Variants in CNGA3 observed in about 807,000 individuals in gnomAD.
The protein encoded by CNGA3 is cyclic nucleotide gated channel subunit alpha 3, also known as cyclic nucleotide-gated channel alpha-3.
In CNGA3, 42 loss-of-function variants were observed where a neutral mutation model predicts 46.6. The ratio of observed to expected loss-of-function variants is 0.90; its 90% CI spans 0.70 to 1.17. The LOEUF (loss-of-function observed/expected upper bound fraction) is 1.17. CNGA3 is among the 50% of genes most tolerant of loss of function. The pLI, the probability that CNGA3 is intolerant of heterozygous loss-of-function variation, is 0.00. For synonymous variants in CNGA3, 394 were observed against 369.4 expected, an observed-to-expected ratio of 1.07 and a Z score of -0.76; for missense variants, 893 against 890.7, an observed-to-expected ratio of 1.00 and a Z score of -0.03.
intron 1 of CNGA3, among the ~76,000 whole-genome samples, chr2:98,361,411 T>G (rs1228551502): frequency 6.6e-6 from 1 of 152,224 alleles, no homozygotes; most frequent in Non-Finnish European, 1.5e-5. Context: ...GTACCACATT[T>G]TCTTTATCTA....
At chr2:98,354,302 C>T (rs1691831832) in intron 1 of CNGA3, among the ~76,000 whole-genome samples, 1 of 152,016 alleles carries the variant, frequency 6.6e-6, no homozygotes, top group South Asian at 2.1e-4. Context: ...GATGAGAGGG[C>T]CAACTGTAGT....
intron 1 of CNGA3, among the ~76,000 whole-genome samples, chr2:98,366,732 C>T (rs998502721): frequency 6.6e-6 from 1 of 152,340 alleles, no homozygotes; most frequent in South Asian, 2.1e-4. Flanking sequence ...CCAGTCTCCA[C>T]GACTCCAGCA....
chr2:98,380,632 G>A (rs1692516331), intron 4 of CNGA3, among the ~76,000 whole-genome samples: 1 of 152,088 alleles, frequency 6.6e-6, no homozygotes, highest in Non-Finnish European at 1.5e-5. Flanking sequence ...TCCTGTTAGG[G>A]TCCCCTGGAA....
At chr2:98,379,951 T>G in intron 3 of CNGA3, 2 of 601,136 alleles carry the variant, frequency 3.3e-6, no homozygotes, top group Non-Finnish European at 5.9e-6. Flanking sequence ...TGCCCCTGAC[T>G]GCAGGGTGGA....
intron 7 of CNGA3, among the ~76,000 whole-genome samples, chr2:98,394,006 A>G (rs1437026250): frequency 6.7e-6 from 1 of 150,164 alleles, no homozygotes. Flanking sequence ...GTCCTACCCC[A>G]GTCTAGCCTC....
chr2:98,395,161 T>A (rs1263741309), intron 7 of CNGA3, among the ~76,000 whole-genome samples: 1 of 152,154 alleles, frequency 6.6e-6, no homozygotes, highest in Non-Finnish European at 1.5e-5. Context: ...AATTGAGATC[T>A]GCCTCCGTCA....
chr2:98,355,658 CT>C (rs1415382388), intron 1 of CNGA3, among the ~76,000 whole-genome samples: 1 of 152,156 alleles, frequency 6.6e-6, no homozygotes, highest in African/African-American at 2.4e-5. Context: ...CCAAAATTAA[CT>C]TGTGTCCCAC....
rs749842881 is a variant in CNGA3 at position 98,396,485 on chromosome 2, C to T, written c.1315C>T (p.Arg439Trp). 9.9e-6 allele frequency: 16 copies of T among 1,613,786 alleles called. No homozygotes were observed. The highest frequency in any genetic ancestry group is 8.9e-5 in the East Asian group (4 of 44,870). The stretch of plus-strand genomic sequence containing the variant: ...CAAGGACTTGGAGACGCGGGTTATC[C>T]GGTGGTTTGACTACCTGTGGGCCAA... ...VTKDLETRVI[R>W]WFDYLWANKK... is the part of the protein sequence containing the mutation. Residue 439 changes from arginine (R) to tryptophan (W), a missense_variant, in exon 8 of 8, where the codon CGG becomes TGG. By Grantham distance (101) the Arg-to-Trp change is moderately radical. Coordinates refer to ENST00000272602, the MANE Select transcript of CNGA3 (RefSeq NM_001298.3).
At position 98,380,164 on chromosome 2, in the gene CNGA3, T is replaced by C; in HGVS notation, c.216-11T>C. The C allele has an allele frequency of 6.2e-7, 1 of 1,613,970 alleles. No homozygotes were observed. Among genetic ancestry groups the C allele is most frequent in the Non-Finnish European group, 8.5e-7 (1 of 1,180,038 alleles). ...CTCTCCCTCTGGCTCAGTGCTTGTG[T>C]CACCTTCCAGGCTGTCGCGCCTCAT... is the stretch of plus-strand genomic sequence containing the variant. On this transcript the variant is annotated splice_polypyrimidine_tract_variant and intron_variant, in intron 3 of 7. Coordinates refer to ENST00000272602, the MANE Select transcript of CNGA3 (RefSeq NM_001298.3).
intron 1 of CNGA3, among the ~76,000 whole-genome samples, chr2:98,367,185 C>CTTTTTTTTTTTTTT (rs558997785): frequency 7.4e-5 from 7 of 95,200 alleles, no homozygotes; most frequent in African/African-American, 1.6e-4. Context: ...TCTTTTTTTT[C>CTTTTTTTTTTTTTT]TTTTTTTTTT....
chr2:98,348,868 G>C (rs997247690), intron 1 of CNGA3, among the ~76,000 whole-genome samples: 1 of 152,198 alleles, frequency 6.6e-6, no homozygotes, highest in Non-Finnish European at 1.5e-5. Flanking sequence ...TGCATTCCGG[G>C]TGTAAATGGA....
intron 1 of CNGA3, among the ~76,000 whole-genome samples, chr2:98,362,936 A>G (rs116724332): frequency 0.053 from 8,113 of 152,260 alleles, 292 homozygotes; most frequent in Non-Finnish European, 0.082. Flanking sequence ...TGCTTTGGTC[A>G]GATTTGTTAA....
chr2:98,385,357 A>G (rs2104218917), intron 5 of CNGA3, among the ~76,000 whole-genome samples: 1 of 152,326 alleles, frequency 6.6e-6, no homozygotes, highest in South Asian at 2.1e-4. Flanking sequence ...TGCTCTTTTC[A>G]TTTAATGATT....
chr2:98,383,245 C>T, intron 4 of CNGA3, 143 bp from the exon 5 acceptor site: 1 of 794,224 alleles, frequency 1.3e-6, no homozygotes, highest in Non-Finnish European at 2.2e-6. Context: ...CAATACCACC[C>T]CGTATTCTTC....
In CNGA3 at chr2:98,391,931, G is replaced by A. The variant is rs1692799954; in HGVS notation, c.634G>A (p.Val212Ile). Residue 212 changes from valine (V) to isoleucine (I), a missense_variant, in exon 7 of 8, where the codon GTC becomes ATC. Val to Ile is a conservative substitution (Grantham distance 29). Transcript: ENST00000272602. ...GCTGGTCCTGGACTACTCGGCAGAT[G>A]TCCTGTATGTCTTGGATGTGCTTGT... ...LWLVLDYSAD[V>I]LYVLDVLVRA... 6.2e-7 allele frequency: 1 copy of A among 1,614,184 alleles called. No homozygotes were observed. Among genetic ancestry groups the A allele is most frequent in the Non-Finnish European group, 8.5e-7 (1 of 1,180,036 alleles).
chr2:98,389,843 T>C, intron 6 of CNGA3, 69 bp downstream of exon 6: 1 of 1,293,466 alleles, frequency 7.7e-7, no homozygotes, highest in Non-Finnish European at 1.1e-6. Context: ...GAGCCAGAGC[T>C]CCACCTCTCC....
rs1314341740 is a variant in CNGA3, at chr2:98,398,402, A to G, written c.*1147A>G. 6.6e-6 allele frequency: 1 copy of G among 152,150 alleles called. No homozygotes were observed. The highest frequency in any genetic ancestry group is 1.5e-5 in the Non-Finnish European group (1 of 68,020). 9.4% of individuals were successfully genotyped at this position (152,150 alleles called of 1,614,324 possible). On this transcript the variant is annotated 3_prime_UTR_variant, in exon 8 of 8. Transcript: ENST00000272602. Reference sequence around the variant, plus strand: ...CCTTCACTTATGTAACATGTTGCAAATTACCCAAAGATGAGTCTTTCTTCT... The same window carrying G: ...CCTTCACTTATGTAACATGTTGCAAGTTACCCAAAGATGAGTCTTTCTTCT...
chr2:98,357,989 A>G (rs950755512), intron 1 of CNGA3, among the ~76,000 whole-genome samples: 3 of 152,232 alleles, frequency 2.0e-5, no homozygotes, highest in Non-Finnish European at 4.4e-5. Context: ...GAGCATCACT[A>G]TTCCCTCTTG....
chr2:98,358,396 C>T (rs1458921704), intron 1 of CNGA3, among the ~76,000 whole-genome samples: 1 of 152,130 alleles, frequency 6.6e-6, no homozygotes, highest in South Asian at 2.1e-4. Flanking sequence ...AAATGAACAT[C>T]AACAGCTGCT....
Sources: gnomAD v4.1 joint callset for allele counts (sites outside exome capture counted in the v4.1 genomes callset) on GRCh38, gnomAD v4.1.1 for gene constraint, MANE v1.5 for transcripts, NCBI Gene and HGNC (gene_info 2026-07-23, HGNC 2026-07-21) for gene names.